The following ADAMTS17 variants were observed in gnomAD, a reference collection of about 807,000 sequenced individuals.
ADAMTS17 encodes A disintegrin and metalloproteinase with thrombospondin motifs 17.
In ADAMTS17, 113 loss-of-function variants were observed where a neutral mutation model predicts 141.5. The observed-to-expected ratio is 0.80, with a 90% CI of 0.69 to 0.93. The LOEUF (loss-of-function observed/expected upper bound fraction) is 0.93, where lower values mean the gene tolerates loss of function less well. Among genes scored for constraint, ADAMTS17 ranks in the 40% least tolerant of loss-of-function variants. The pLI, the probability that ADAMTS17 is intolerant of heterozygous loss-of-function variation, is 0.00. For synonymous variants in ADAMTS17, 768 were observed against 630.6 expected (o/e 1.22, Z -3.27); for missense variants, 1,659 against 1,517.9 (o/e 1.09, Z -1.54).
intron 12 of ADAMTS17, among the ~76,000 whole-genome samples, chr15:100,125,060 A>G (rs1213452346): frequency 1.3e-5 from 2 of 152,240 alleles, no homozygotes; most frequent in Non-Finnish European, 2.9e-5. Flanking sequence ...TAAAGTCACA[A>G]CAGCAGTTCG....
At chr15:100,279,355 A>G (rs530066824) in intron 4 of ADAMTS17, among the ~76,000 whole-genome samples, 1 of 152,296 alleles carries the variant, frequency 6.6e-6, no homozygotes, top group South Asian at 2.1e-4. Context: ...GGGCCAGCCC[A>G]GGCTCTGCAC....
At chr15:100,138,996 G>A (rs117303442) in intron 10 of ADAMTS17, among the ~76,000 whole-genome samples, 4 of 152,152 alleles carry the variant, frequency 2.6e-5, no homozygotes, top group Non-Finnish European at 5.9e-5. Context: ...AGGCGCATGG[G>A]GGGTATTTTG....
intron 8 of ADAMTS17, among the ~76,000 whole-genome samples, chr15:100,178,360 C>G (rs146146109): frequency 6.6e-6 from 1 of 152,158 alleles, no homozygotes; most frequent in South Asian, 2.1e-4. Flanking sequence ...CATATACACA[C>G]ATCACAGCCA....
chr15:100,315,234 C>T (rs1354181666), intron 3 of ADAMTS17, among the ~76,000 whole-genome samples: 1 of 152,216 alleles, frequency 6.6e-6, no homozygotes, highest in Non-Finnish European at 1.5e-5. Flanking sequence ...ATAAGGAGTC[C>T]ACCGTGCAGG....
At chr15:100,089,990 ATT>A (rs2035351962) in intron 15 of ADAMTS17, among the ~76,000 whole-genome samples, 3 of 127,882 alleles carry the variant, frequency 2.3e-5, no homozygotes, top group Admixed American at 7.9e-5. Context: ...TAATAATAAA[ATT>A]AAAAAAAAAA....
In ADAMTS17 at chr15:100,341,297, G is replaced by T; in HGVS notation, c.192C>A (p.Arg64=). The change falls in exon 2 of 22, where the codon CGC becomes CGA. Residue 64 remains arginine (R), a synonymous_variant. Coordinates refer to ENST00000268070, the MANE Select transcript of ADAMTS17 (RefSeq NM_139057.4). ...GCGGGGCGGCTGGGGGCGTGCGGGG[G>T]CGTCGCCGCCGTCGGGGCCCGGGGG... The part of the protein sequence containing the change: ...PAAPGPRRRR[R]PRTPPAAPRA... 1 of 1,104,694 alleles carries T rather than the reference G, an allele frequency of 9.1e-7. No individual in the cohort carries two copies. Among genetic ancestry groups the T allele is most frequent in the Non-Finnish European group, 1.1e-6 (1 of 909,986 alleles). The allele number at this position is 1,104,694 out of a possible 1,614,324, so 68.4% of individuals were successfully genotyped here.
intron 6 of ADAMTS17, among the ~76,000 whole-genome samples, chr15:100,256,012 G>GAATCTGAATCTGA (rs2043314746): frequency 1.3e-5 from 2 of 152,208 alleles, no homozygotes; most frequent in African/African-American, 4.8e-5. Flanking sequence ...TCTGAATCTC[G>GAATCTGAATCTGA]ATCCTTCCTG....
chr15:100,120,951 A>G (rs1223381832), intron 12 of ADAMTS17, among the ~76,000 whole-genome samples: 4 of 152,256 alleles, frequency 2.6e-5, no homozygotes, highest in Non-Finnish European at 5.9e-5. Flanking sequence ...AATGCTCAGG[A>G]ACCAAATGAA....
chr15:100,216,242 C>G (rs2035970296), intron 7 of ADAMTS17, among the ~76,000 whole-genome samples: 1 of 152,182 alleles, frequency 6.6e-6, no homozygotes, highest in Admixed American at 6.5e-5. Context: ...CAAATATTAT[C>G]TAACACTGCA....
intron 3 of ADAMTS17, among the ~76,000 whole-genome samples, chr15:100,285,056 G>C (rs142912354): frequency 1.3e-5 from 2 of 152,374 alleles, no homozygotes; most frequent in African/African-American, 4.8e-5. Flanking sequence ...CATTCTTGAA[G>C]GCAAGCCCAG....
At chr15:100,014,761 G>C (rs764353798) in intron 18 of ADAMTS17, among the ~76,000 whole-genome samples, 6 of 152,232 alleles carry the variant, frequency 3.9e-5, no homozygotes, top group African/African-American at 1.4e-4. Flanking sequence ...AATTTATTGA[G>C]GCTCATTTTA....
intron 3 of ADAMTS17, among the ~76,000 whole-genome samples, chr15:100,302,807 G>C (rs2045088144): frequency 1.3e-5 from 2 of 152,162 alleles, no homozygotes; most frequent in Admixed American, 1.3e-4. Flanking sequence ...ATTCACATTT[G>C]AATCAGTGGG....
chr15:100,134,161 C>T (rs544579360), intron 10 of ADAMTS17, among the ~76,000 whole-genome samples: 43 of 152,322 alleles, frequency 2.8e-4, no homozygotes, highest in South Asian at 1.2e-3. Flanking sequence ...ACTCCCCACC[C>T]GCCCAGGGGA....
intron 7 of ADAMTS17, among the ~76,000 whole-genome samples, chr15:100,239,908 C>T (rs1019517485): frequency 1.3e-5 from 2 of 152,184 alleles, no homozygotes; most frequent in African/African-American, 2.4e-5. Flanking sequence ...TCACCCTCCA[C>T]CCTCAGCCAG....
chr15:100,031,009 G>A lies in ADAMTS17; in HGVS notation c.2591+17848C>T, dbSNP rs529978040. ...GATGATAGTTTTGGCTGGCGTTCAC[G>A]GAGTGCTGACTCGGGGTGAAGGAAT... is the stretch of plus-strand genomic sequence containing the variant. On this transcript the variant is annotated intron_variant, in intron 18 of 21. Coordinates refer to ENST00000268070, the MANE Select transcript of ADAMTS17 (RefSeq NM_139057.4). Among the ~76,000 whole-genome samples the A allele has an allele frequency of 4.6e-5, 7 of 152,290 alleles. No individual in the cohort carries two copies. In the South Asian group the frequency reaches 1.2e-3, roughly 27 times the overall value.
intron 18 of ADAMTS17, among the ~76,000 whole-genome samples, chr15:100,045,852 C>T (rs1052532034): frequency 6.6e-6 from 1 of 152,148 alleles, no homozygotes; most frequent in African/African-American, 2.4e-5. Flanking sequence ...CTCTATTTCT[C>T]TTCAGTTTCT....
At chr15:100,116,731 G>C (rs920007155) in intron 13 of ADAMTS17, 116 bp downstream of exon 13, 5 of 1,408,774 alleles carry the variant, frequency 3.5e-6, no homozygotes, top group Non-Finnish European at 5.0e-6. Context: ...CAGAGGACTG[G>C]AGTGTCTTGC....
At chr15:100,313,188 T>C (rs147931088) in intron 3 of ADAMTS17, among the ~76,000 whole-genome samples, 1 of 152,286 alleles carries the variant, frequency 6.6e-6, no homozygotes, top group African/African-American at 2.4e-5. Flanking sequence ...GCTATAATAC[T>C]AATATCTAAA....
chr15:100,184,669 T>A (rs542326321), intron 8 of ADAMTS17, among the ~76,000 whole-genome samples: 1 of 152,192 alleles, frequency 6.6e-6, no homozygotes, highest in East Asian at 1.9e-4. Context: ...AGGTTGTCTC[T>A]CCTCTGTGCC....
Sources: allele counts gnomAD v4.1 joint callset (sites outside exome capture counted in the v4.1 genomes callset), GRCh38; gene constraint gnomAD v4.1.1; transcripts MANE v1.5; gene names NCBI Gene and HGNC (gene_info 2026-07-23, HGNC 2026-07-21).